CPNE4: variants seen among roughly 807,000 people sequenced by gnomAD.
CPNE4 encodes copine 4.
A neutral mutation model predicts 67.9 loss-of-function variants in CPNE4; 25 were observed. That is an observed-to-expected ratio of 0.37 (90% CI 0.27 to 0.51). The LOEUF is 0.51. Among genes scored for constraint, CPNE4 ranks in the 20% least tolerant of loss-of-function variants. The probability of loss-of-function intolerance (pLI) is 0.93; values close to 1 mark genes in which losing one functional copy is unlikely to be tolerated. For synonymous variants in CPNE4, 242 were observed against 244.9 expected, an observed-to-expected ratio of 0.99 and a Z score of 0.11; for missense variants, 464 against 690.8, an observed-to-expected ratio of 0.67 and a Z score of 3.68.
At chr3:131,951,944 C>T (rs533399072) in intron 1 of CPNE4, among the ~76,000 whole-genome samples, 4 of 152,186 alleles carry the variant, frequency 2.6e-5, no homozygotes, top group Non-Finnish European at 5.9e-5. Context: ...CTGCCTTGGC[C>T]TCCCAAAGTG....
intron 3 of CPNE4, among the ~76,000 whole-genome samples, chr3:131,717,901 T>C (rs1386393649): frequency 1.8e-5 from 2 of 111,346 alleles, no homozygotes; most frequent in African/African-American, 5.7e-5. Context: ...TTTCTTTCTT[T>C]CTTTCTTTCT....
At chr3:131,665,379 GA>G (rs1303531020) in intron 7 of CPNE4, among the ~76,000 whole-genome samples, 19 of 152,008 alleles carry the variant, frequency 1.2e-4, no homozygotes, top group African/African-American at 4.3e-4. Context: ...TATATATTTG[GA>G]AAAAAACATG....
At chr3:131,742,594 T>G (rs2082385729) in intron 2 of CPNE4, among the ~76,000 whole-genome samples, 1 of 152,186 alleles carries the variant, frequency 6.6e-6, no homozygotes, top group Admixed American at 6.5e-5. Flanking sequence ...TTTTCTCTTA[T>G]GTATATGGAA....
chr3:131,798,943 G>C (rs1485863067), intron 2 of CPNE4, among the ~76,000 whole-genome samples: 2 of 151,772 alleles, frequency 1.3e-5, no homozygotes, highest in Non-Finnish European at 2.9e-5. Context: ...AAATTAATAA[G>C]ATAAAAGCAT....
At chr3:131,993,945 C>A (rs2073232172) in intron 1 of CPNE4, among the ~76,000 whole-genome samples, 2 of 135,686 alleles carry the variant, frequency 1.5e-5, no homozygotes, top group African/African-American at 4.9e-5. Flanking sequence ...ACAAAAAGGC[C>A]ATTAGAACTA....
intron 2 of CPNE4, among the ~76,000 whole-genome samples, chr3:131,745,711 G>T (rs73220458): frequency 6.6e-6 from 1 of 151,770 alleles, no homozygotes; most frequent in African/African-American, 2.4e-5. Context: ...TAATTCTGTG[G>T]GTATATTTCT....
intron 2 of CPNE4, among the ~76,000 whole-genome samples, chr3:131,826,949 A>T (rs916165006): frequency 3.0e-4 from 45 of 152,150 alleles, no homozygotes; most frequent in African/African-American, 1.0e-3. Context: ...AGGTGAGAGG[A>T]TCACTTGAGC....
rs1364142279 is a variant in CPNE4 at position 131,866,700 on chromosome 3, C to T, written c.180+38564G>A. ...GCACTAGAAATTTCTGCTACATAAA[C>T]TCAGGCTGAAGAATCCAGGTTCAAA... On this transcript the variant is annotated intron_variant, in intron 2 of 15. Transcript: ENST00000429747. 2.0e-5 allele frequency among the ~76,000 whole-genome samples: 3 copies of T among 152,128 alleles called. No homozygotes were observed. In the East Asian group the frequency reaches 5.8e-4, roughly 29 times the overall value.
intron 1 of CPNE4, among the ~76,000 whole-genome samples, chr3:131,930,577 G>T (rs2071031720): frequency 1.3e-5 from 2 of 152,136 alleles, no homozygotes; most frequent in Non-Finnish European, 2.9e-5. Context: ...TTTATACCAA[G>T]TGCAATGTGA....
At chr3:131,892,952 A>C (rs1056186809) in intron 2 of CPNE4, among the ~76,000 whole-genome samples, 4 of 152,082 alleles carry the variant, frequency 2.6e-5, no homozygotes, top group African/African-American at 9.7e-5. Context: ...AACAACTAAA[A>C]ATAGTGGAAG....
At chr3:131,685,769 A>G in intron 6 of CPNE4, 106 bp downstream of exon 6, 1 of 718,452 alleles carries the variant, frequency 1.4e-6, no homozygotes. Context: ...TGACACAGCG[A>G]GACTCCACCT....
chr3:131,713,952 G>C (rs527675177), intron 3 of CPNE4, among the ~76,000 whole-genome samples: 4 of 152,032 alleles, frequency 2.6e-5, no homozygotes, highest in Non-Finnish European at 5.9e-5. Context: ...CGGGAGCTGA[G>C]ATGATGTGAT....
intron 2 of CPNE4, among the ~76,000 whole-genome samples, chr3:131,841,036 A>T (rs946114371): frequency 4.5e-4 from 69 of 152,148 alleles, no homozygotes; most frequent in Admixed American, 4.5e-3. Flanking sequence ...TCGTTCTTCA[A>T]ATAAGTGTAG....
chr3:131,895,945 G>A (rs2088311464), intron 2 of CPNE4, among the ~76,000 whole-genome samples: 1 of 151,850 alleles, frequency 6.6e-6, no homozygotes, highest in African/African-American at 2.4e-5. Context: ...CTAATCCCCG[G>A]CCAGGGGATC....
At chr3:131,817,498 A>T (rs936742162) in intron 2 of CPNE4, among the ~76,000 whole-genome samples, 1 of 152,202 alleles carries the variant, frequency 6.6e-6, no homozygotes, top group African/African-American at 2.4e-5. Flanking sequence ...GAGTCAAAAC[A>T]TGTTGGGCCA....
intron 2 of CPNE4, among the ~76,000 whole-genome samples, chr3:131,829,762 G>C (rs1224619845): frequency 6.6e-6 from 1 of 152,180 alleles, no homozygotes; most frequent in African/African-American, 2.4e-5. Context: ...ACATTGGTTG[G>C]ATTAAGCATC....
At chr3:132,037,646 G>A, upstream of CPNE4, 1 of 1,525,106 alleles carries the variant, frequency 6.6e-7, no homozygotes, top group Non-Finnish European at 8.8e-7. Context: ...CAAAGTCACT[G>A]TGGCCCTGGT....
chr3:132,031,613 A>G (rs978281154), intron 1 of CPNE4, among the ~76,000 whole-genome samples: 2 of 152,234 alleles, frequency 1.3e-5, no homozygotes, highest in Middle Eastern at 3.2e-3. Context: ...CTCATCTTCA[A>G]TAAGTTCATC....
intron 5 of CPNE4, among the ~76,000 whole-genome samples, chr3:131,687,599 C>T (rs987999952): frequency 1.3e-5 from 2 of 152,180 alleles, no homozygotes; most frequent in African/African-American, 2.4e-5. Context: ...CAGAGTCAAA[C>T]TCGTTATTTT....
Sources: allele counts gnomAD v4.1 joint callset (sites outside exome capture counted in the v4.1 genomes callset), GRCh38; gene constraint gnomAD v4.1.1; transcripts MANE v1.5; gene names NCBI Gene and HGNC (gene_info 2026-07-23, HGNC 2026-07-21).